CLPTM1L: variants seen among roughly 807,000 people sequenced by gnomAD.
CLPTM1L encodes the protein lipid scramblase CLPTM1L.
In CLPTM1L, 38 loss-of-function variants were observed where a neutral mutation model predicts 70.9. That is an observed-to-expected ratio of 0.54 (90% CI 0.41 to 0.70). The LOEUF (loss-of-function observed/expected upper bound fraction) is 0.70, where lower values mean the gene tolerates loss of function less well. Among genes scored for constraint, CLPTM1L ranks in the 30% least tolerant of loss-of-function variants. The pLI is 0.00. For synonymous variants in CLPTM1L, 339 were observed against 299.9 expected (o/e 1.13, Z -1.35); for missense variants, 652 against 705.9 (o/e 0.92, Z 0.87).
rs1480788220 is a variant in CLPTM1L, at chr5:1,333,344, C to A, written c.891+945G>T. 3.3e-5 allele frequency among the ~76,000 whole-genome samples: 4 copies of A among 120,812 alleles called. 1 individual carries two copies. Among genetic ancestry groups the A allele is most frequent in the East Asian group, 2.3e-4 (1 of 4,384 alleles). The allele number at this position is 120,812 out of a possible 152,430, so 79.3% of individuals were successfully genotyped here. On this transcript the variant is annotated intron_variant, in intron 7 of 16. Transcript: ENST00000320895. Reference sequence around the variant, plus strand: ...TGAGGATGAGGGACTATTGTATACACACCACATGAGGATAAGGGGGGACTA... The same window carrying A: ...TGAGGATGAGGGACTATTGTATACAAACCACATGAGGATAAGGGGGGACTA...
rs3222913 is a variant in CLPTM1L at position 1,342,039 on chromosome 5, T to TGTGTGCGC, written c.264-180_264-179insGCGCACAC. ...GTGTGTGTGTGTGTGTGTGTGTGTG[T>TGTGTGCGC]GCACGCGCACGCGTGCGCGTCCTGA... On this transcript the variant is annotated intron_variant, in intron 2 of 16. Coordinates refer to ENST00000320895, the MANE Select transcript of CLPTM1L (RefSeq NM_030782.5). The surrounding 1 kb of genome is among the most constrained non-coding windows in gnomAD (Gnocchi z 4.3). Among the ~76,000 whole-genome samples the TGTGTGCGC allele has an allele frequency of 3.7e-3, 559 of 149,082 alleles. 4 individuals are homozygous for TGTGTGCGC. The highest frequency in any genetic ancestry group is 8.0e-3 in the African/African-American group (320 of 39,780).
chr5:1,328,305 T>C (rs80109176), intron 9 of CLPTM1L, among the ~76,000 whole-genome samples: 2 of 73,362 alleles, frequency 2.7e-5, no homozygotes, highest in African/African-American at 7.1e-5. Flanking sequence ...AGGATACATT[T>C]CATCCAGCTA....
chr5:1,333,636 TAA>T (rs1753319885), intron 7 of CLPTM1L, among the ~76,000 whole-genome samples: 2 of 59,136 alleles, frequency 3.4e-5, no homozygotes, highest in East Asian at 5.4e-4. Flanking sequence ...CAGATGAGGA[TAA>T]GGGGGACTAC....
At position 1,318,005 on chromosome 5, in the gene CLPTM1L, T is replaced by G. The variant is rs1187726772; in HGVS notation, c.*364A>C. The G allele has an allele frequency of 1.6e-5, 4 of 250,048 alleles. No homozygotes were observed. The highest frequency in any genetic ancestry group is 8.9e-5 in the African/African-American group (4 of 44,898). The allele number at this position is 250,048 out of a possible 1,614,324, so 15.5% of individuals were successfully genotyped here. On this transcript the variant is annotated 3_prime_UTR_variant, in exon 17 of 17. Transcript: ENST00000320895. The surrounding 1 kb of genome is among the most constrained non-coding windows in gnomAD (Gnocchi z 8.9). ...ATTCCATACGTGTTTGAAATTCACATAAGGAGCACTTAGAAAACCACCTGA... is the reference window on the plus strand; with the variant it reads ...ATTCCATACGTGTTTGAAATTCACAGAAGGAGCACTTAGAAAACCACCTGA...
chr5:1,324,969 A>C (rs1752426455), intron 10 of CLPTM1L, 156 bp from the exon 11 acceptor site: 2 of 659,672 alleles, frequency 3.0e-6, no homozygotes, highest in Admixed American at 4.6e-5. Context: ...GAGGACCCAG[A>C]GGACGGGGAT....
chr5:1,331,243 G>C (rs1264331815), intron 8 of CLPTM1L: 1 of 155,024 alleles, frequency 6.5e-6, no homozygotes, highest in African/African-American at 2.4e-5. Flanking sequence ...CCCAGATCTT[G>C]GCAGGCCTCC....
chr5:1,325,357 G>C (rs1752457053), intron 10 of CLPTM1L: 2 of 263,704 alleles, frequency 7.6e-6, no homozygotes, highest in Admixed American at 9.7e-5. Context: ...CAGGCACTGG[G>C]GCAGCCACCA....
intron 9 of CLPTM1L, among the ~76,000 whole-genome samples, chr5:1,327,339 A>G (rs879243145): frequency 4.6e-4 from 49 of 105,640 alleles, no homozygotes; most frequent in Non-Finnish European, 5.9e-4. Context: ...TCCTCTACAG[A>G]CACATTCCAT....
chr5:1,340,304 C>T (rs1032927840), intron 3 of CLPTM1L, among the ~76,000 whole-genome samples: 3 of 152,182 alleles, frequency 2.0e-5, no homozygotes, highest in African/African-American at 4.8e-5. Flanking sequence ...TAAAACCAAG[C>T]ATGTGGGGCT....
chr5:1,324,873 A>G (rs1421549730), intron 10 of CLPTM1L, 60 bp from the exon 11 acceptor site: 6 of 1,503,448 alleles, frequency 4.0e-6, no homozygotes, highest in Non-Finnish European at 5.6e-6. Context: ...AGCACAGCTG[A>G]GCTGTGACTA....
At chr5:1,329,239 C>G (rs1286070987) in intron 9 of CLPTM1L, among the ~76,000 whole-genome samples, 1 of 152,270 alleles carries the variant, frequency 6.6e-6, no homozygotes, top group African/African-American at 2.4e-5. Flanking sequence ...AGCTCCGGAA[C>G]AACCAAGGCT....
chr5:1,333,186 C>T (rs1396981114), intron 7 of CLPTM1L, among the ~76,000 whole-genome samples: 5 of 51,720 alleles, frequency 9.7e-5, no homozygotes, highest in African/African-American at 5.5e-4. Flanking sequence ...TGTATACACA[C>T]CGGATGAGGA....
chr5:1,327,317 C>T (rs1276510062), intron 9 of CLPTM1L, among the ~76,000 whole-genome samples: 43 of 139,148 alleles, frequency 3.1e-4, no homozygotes, highest in South Asian at 3.0e-3. Context: ...CAGACACATT[C>T]CATCCAGCTC....
intron 9 of CLPTM1L, among the ~76,000 whole-genome samples, chr5:1,329,936 C>T (rs992061149): frequency 6.3e-5 from 9 of 143,610 alleles, no homozygotes; most frequent in African/African-American, 2.6e-5. Context: ...TGGACAGGGC[C>T]TCAGGACTCT....
intron 11 of CLPTM1L, 181 bp from the exon 12 acceptor site, chr5:1,324,050 C>T: frequency 1.7e-6 from 1 of 601,950 alleles, no homozygotes; most frequent in South Asian, 2.0e-5. Context: ...TCGCCACAGC[C>T]CCAGGAGGCA....
Position 1,330,543 on chromosome 5 carries a change from A to G in CLPTM1L, c.977-160T>C, listed in dbSNP as rs1466880329. ...TCACCCCGTTTAAAAAGAACAATGA[A>G]GCATTCAGCAGCTAGGAAAGTGTTT... On this transcript the variant is annotated intron_variant, in intron 8 of 16. Coordinates refer to ENST00000320895, the MANE Select transcript of CLPTM1L (RefSeq NM_030782.5). The G allele has an allele frequency of 5.0e-6, 3 of 600,116 alleles. No homozygotes were observed. The East Asian group carries it at 8.4e-5, about 17-fold the overall frequency. The allele number at this position is 600,116 out of a possible 1,614,324, so 37.2% of individuals were successfully genotyped here.
Position 1,318,958 on chromosome 5 carries a change from G to T in CLPTM1L, c.1533-505C>A, listed in dbSNP as rs542572871. 6.6e-6 allele frequency among the ~76,000 whole-genome samples: 1 copy of T among 152,224 alleles called. No individual in the cohort carries two copies. Among genetic ancestry groups the T allele is most frequent in the Non-Finnish European group, 1.5e-5 (1 of 68,042 alleles). On this transcript the variant is annotated intron_variant, in intron 16 of 16. Coordinates refer to ENST00000320895, the MANE Select transcript of CLPTM1L (RefSeq NM_030782.5). The surrounding 1 kb of genome is among the most constrained non-coding windows in gnomAD (Gnocchi z 8.9). ...ATAAGGGGCAGCTCTACACGGCCGC[G>T]AACAGAAGTACAGGGTTTCAGCTTA...
chr5:1,330,211 T>C, intron 9 of CLPTM1L, 69 bp downstream of exon 9: 1 of 1,319,250 alleles, frequency 7.6e-7, no homozygotes, highest in Non-Finnish European at 1.1e-6. Context: ...GTCCCGGGGC[T>C]GAAAGCCTTT....
At chr5:1,325,147 CG>C (rs1201894606) in intron 10 of CLPTM1L, 1 of 389,392 alleles carries the variant, frequency 2.6e-6, no homozygotes, top group African/African-American at 2.0e-5. Context: ...CCGAACCAGC[CG>C]GCCGGGAGCC....
Sources: gnomAD v4.1 joint callset for allele counts (sites outside exome capture counted in the v4.1 genomes callset) on GRCh38, gnomAD v4.1.1 for gene constraint, Gnocchi (gnomAD v3.1) non-coding constraint, MANE v1.5 for transcripts, NCBI Gene and HGNC (gene_info 2026-07-23, HGNC 2026-07-21) for gene names.